Variants in PTPRT observed in about 807,000 individuals in gnomAD.
PTPRT encodes the protein receptor-type tyrosine-protein phosphatase T.
A neutral mutation model predicts 176.8 loss-of-function variants in PTPRT; 56 were observed. The ratio of observed to expected loss-of-function variants is 0.32; its 90% CI spans 0.26 to 0.40. The LOEUF is 0.40. Among genes scored for constraint, PTPRT ranks in the 10% least tolerant of loss-of-function variants. The pLI is 1.00. For missense variants in PTPRT, 1,540 were observed against 1,908.2 expected (o/e 0.81, Z 3.60); for synonymous variants, 783 against 739.0 (o/e 1.06, Z -0.96).
At chr20:42,872,619 A>C (rs1262869172) in intron 2 of PTPRT, among the ~76,000 whole-genome samples, 1 of 152,218 alleles carries the variant, frequency 6.6e-6, no homozygotes, top group African/African-American at 2.4e-5. Flanking sequence ...TGTATCACTA[A>C]ATTCCTATGT....
intron 1 of PTPRT, among the ~76,000 whole-genome samples, chr20:43,073,798 G>A (rs537354430): frequency 3.7e-4 from 56 of 152,100 alleles, no homozygotes; most frequent in African/African-American, 1.2e-3. Flanking sequence ...TGTTGCCTAC[G>A]CTGGAGTGCA....
intron 5 of PTPRT, among the ~76,000 whole-genome samples, chr20:42,761,791 C>T (rs1208439206): frequency 6.6e-6 from 1 of 152,150 alleles, no homozygotes; most frequent in African/African-American, 2.4e-5. Context: ...GGTCCATGAA[C>T]CTTACTAGGA....
At chr20:42,760,567 T>C (rs2076901197) in intron 5 of PTPRT, among the ~76,000 whole-genome samples, 1 of 152,096 alleles carries the variant, frequency 6.6e-6, no homozygotes, top group Non-Finnish European at 1.5e-5. Flanking sequence ...CTTAACAAGA[T>C]TTATCTGAGC....
In PTPRT at chr20:42,885,870, C is replaced by G. The variant is rs1304553678; in HGVS notation, c.151G>C (p.Gly51Arg). 6.2e-7 allele frequency: 1 copy of G among 1,611,038 alleles called. No individual in the cohort carries two copies. The highest frequency in any genetic ancestry group is 1.7e-5 in the Admixed American group (1 of 59,924). ...GTGTTAATCTGCTCCCAGGTGAACC[C>G]ATTGGTCCCTAGAGCCACACTATAA... The part of the protein sequence containing the change: ...CGYSVALGTN[G>R]FTWEQINTWE... Residue 51 changes from glycine (G) to arginine (R), a missense_variant, in exon 2 of 31, where the codon GGG (glycine) becomes CGG (arginine). Gly to Arg is a moderately radical substitution (Grantham distance 125). Around this residue, in one of 11 missense-constraint regions of PTPRT, gnomAD observed 116 missense variants for 118.5 expected, o/e 0.98. Transcript: ENST00000373187.
chr20:43,084,751 A>C (rs997182190), intron 1 of PTPRT, among the ~76,000 whole-genome samples: 2 of 152,196 alleles, frequency 1.3e-5, no homozygotes, highest in East Asian at 3.9e-4. Context: ...AGATAAGTAT[A>C]TGAAATTTAT....
intron 1 of PTPRT, among the ~76,000 whole-genome samples, chr20:42,957,909 T>C (rs1274574219): frequency 6.6e-6 from 1 of 151,992 alleles, no homozygotes; most frequent in East Asian, 2.0e-4. Flanking sequence ...CTGCTTTAAT[T>C]AGATTTCCAT....
chr20:42,365,210 TC>T (rs1180712815), intron 9 of PTPRT, among the ~76,000 whole-genome samples: 4 of 152,230 alleles, frequency 2.6e-5, no homozygotes, highest in Admixed American at 2.6e-4. Flanking sequence ...TATTTTATAT[TC>T]TGAACATTTC....
At chr20:42,262,640 T>A (rs2056768973) in intron 13 of PTPRT, among the ~76,000 whole-genome samples, 1 of 152,124 alleles carries the variant, frequency 6.6e-6, no homozygotes, top group African/African-American at 2.4e-5. Context: ...GAAGTGGGGA[T>A]GGGGGTGAGT....
At position 42,078,109 on chromosome 20, in the gene PTPRT, T is replaced by C; in HGVS notation, c.*2770A>G. 5.3e-6 allele frequency: 1 copy of C among 187,594 alleles called. No individual in the cohort carries two copies. Among genetic ancestry groups the C allele is most frequent in the Non-Finnish European group, 1.1e-5 (1 of 88,700 alleles). 11.6% of individuals were successfully genotyped at this position (187,594 alleles called of 1,614,324 possible). ...AGCCGAGGGAGGCCAGCAGGCCCAG[T>C]GGGGGTGGGTCCCCGGGGTCTGCTG... On this transcript the variant is annotated 3_prime_UTR_variant, in exon 31 of 31. Coordinates refer to ENST00000373187, the MANE Select transcript of PTPRT (RefSeq NM_007050.6).
At chr20:42,280,228 T>C (rs939120939) in intron 13 of PTPRT, among the ~76,000 whole-genome samples, 2 of 152,112 alleles carry the variant, frequency 1.3e-5, no homozygotes, top group African/African-American at 2.4e-5. Flanking sequence ...TTGCCTTTAA[T>C]CAACCCTAGG....
chr20:43,188,758 G>GGGA (rs1555845671), intron 1 of PTPRT, among the ~76,000 whole-genome samples: 1 of 149,564 alleles, frequency 6.7e-6, no homozygotes, highest in Non-Finnish European at 1.5e-5. Context: ...TTGGGGGGGG[G>GGGA]GGGGCTCGGG....
At chr20:42,109,261 A>AACTC (rs766630466) in intron 23 of PTPRT, among the ~76,000 whole-genome samples, 9 of 141,742 alleles carry the variant, frequency 6.3e-5, no homozygotes, top group Non-Finnish European at 9.7e-5. Context: ...GGGATGTGAT[A>AACTC]ACTCAAGCAT....
intron 1 of PTPRT, among the ~76,000 whole-genome samples, chr20:43,030,604 G>C (rs1438548875): frequency 6.6e-6 from 1 of 152,138 alleles, no homozygotes; most frequent in Non-Finnish European, 1.5e-5. Flanking sequence ...TAGATAAAAT[G>C]ATTTCAGATA....
At chr20:42,768,690 G>T (rs141285349) in intron 5 of PTPRT, among the ~76,000 whole-genome samples, 12 of 152,128 alleles carry the variant, frequency 7.9e-5, no homozygotes, top group Non-Finnish European at 1.5e-4. Flanking sequence ...CTTCTATCTG[G>T]TGTTGTCCCA....
chr20:42,587,775 G>A (rs1184637576), intron 7 of PTPRT, among the ~76,000 whole-genome samples: 1 of 152,110 alleles, frequency 6.6e-6, no homozygotes, highest in Non-Finnish European at 1.5e-5. Context: ...TCTGGATGGT[G>A]CTTATGATCT....
At chr20:42,414,765 T>C (rs923635391) in intron 9 of PTPRT, among the ~76,000 whole-genome samples, 1 of 152,202 alleles carries the variant, frequency 6.6e-6, no homozygotes. Context: ...AAAGATTTTA[T>C]GAAGTCAGAA....
chr20:42,488,187 G>A (rs1261004555), intron 7 of PTPRT, among the ~76,000 whole-genome samples: 2 of 152,146 alleles, frequency 1.3e-5, no homozygotes, highest in Non-Finnish European at 2.9e-5. Context: ...ATCACTGTCA[G>A]AAATCACACT....
chr20:42,924,373 C>T (rs900519328), intron 1 of PTPRT, among the ~76,000 whole-genome samples: 6 of 152,138 alleles, frequency 3.9e-5, no homozygotes, highest in African/African-American at 7.2e-5. Flanking sequence ...GATGCAGCCG[C>T]GGTCTGATAA....
chr20:42,848,633 T>C (rs1039882296), intron 2 of PTPRT, among the ~76,000 whole-genome samples: 4 of 152,302 alleles, frequency 2.6e-5, no homozygotes, highest in Middle Eastern at 6.8e-3. Context: ...CTTTTGAGAA[T>C]TGTCTATTCA....
Sources: allele counts gnomAD v4.1 joint callset (sites outside exome capture counted in the v4.1 genomes callset), GRCh38; gene constraint gnomAD v4.1.1; regional missense constraint gnomAD v4.1.1; transcripts MANE v1.5; gene names NCBI Gene and HGNC (gene_info 2026-07-23, HGNC 2026-07-21).